The following CDH4 variants were observed in gnomAD, a reference collection of about 807,000 sequenced individuals.
The protein encoded by CDH4 is cadherin 4, also known as cadherin-4.
CDH4 carries 33 observed loss-of-function variants against 86.0 expected under a neutral mutation model. The observed-to-expected ratio is 0.38, with a 90% CI of 0.29 to 0.51. The LOEUF (loss-of-function observed/expected upper bound fraction) is 0.51, where lower values mean the gene tolerates loss of function less well. Among genes scored for constraint, CDH4 ranks in the 20% least tolerant of loss-of-function variants. CDH4 has a pLI of 0.86. For synonymous variants in CDH4, 555 were observed against 549.4 expected (o/e 1.01, Z -0.14); for missense variants, 1,114 against 1,307.4 (o/e 0.85, Z 2.28).
At chr20:61,300,084 A>G (rs573078894) in intron 2 of CDH4, among the ~76,000 whole-genome samples, 2 of 152,240 alleles carry the variant, frequency 1.3e-5, no homozygotes, top group South Asian at 4.1e-4. Context: ...CTGACTGGCC[A>G]TGCACTGGTG....
intron 2 of CDH4, among the ~76,000 whole-genome samples, chr20:61,686,275 G>A (rs575806104): frequency 2.6e-5 from 4 of 152,354 alleles, no homozygotes; most frequent in Admixed American, 1.3e-4. Flanking sequence ...CCACATCTGC[G>A]TGGCTGGGAG....
intron 2 of CDH4, chr20:61,740,650 G>A (rs16985539): frequency 0.22 from 33,141 of 152,162 alleles, 4,176 homozygotes; most frequent in East Asian, 0.48. Context: ...CACCATTTGC[G>A]TAACCGTATC....
At chr20:61,346,466 G>A (rs930913867) in intron 2 of CDH4, among the ~76,000 whole-genome samples, 13 of 151,986 alleles carry the variant, frequency 8.6e-5, no homozygotes, top group Admixed American at 2.0e-4. Flanking sequence ...TCTGCTGACC[G>A]GGCATGGTGG....
intron 2 of CDH4, among the ~76,000 whole-genome samples, chr20:61,549,323 C>T (rs1401217228): frequency 6.6e-6 from 1 of 152,166 alleles, no homozygotes; most frequent in African/African-American, 2.4e-5. Flanking sequence ...CCTCCCATGT[C>T]ACCCCTCTCA....
chr20:61,615,974 G>A (rs1475914531), intron 2 of CDH4, among the ~76,000 whole-genome samples: 5 of 152,326 alleles, frequency 3.3e-5, no homozygotes, highest in East Asian at 1.9e-4. Flanking sequence ...GCGGGCCCCC[G>A]TGAAGGCCAC....
chr20:61,273,194 G>C (rs1423930021), intron 2 of CDH4, among the ~76,000 whole-genome samples: 1 of 112,490 alleles, frequency 8.9e-6, no homozygotes, highest in African/African-American at 3.5e-5. Context: ...GTTTGGGGGA[G>C]CACCATGCGC....
At chr20:61,651,921 C>T (rs763978485) in intron 2 of CDH4, among the ~76,000 whole-genome samples, 2 of 152,154 alleles carry the variant, frequency 1.3e-5, no homozygotes, top group Non-Finnish European at 2.9e-5. Context: ...GAAGGGAGGC[C>T]CTGCAATGGT....
chr20:61,765,058 G>A (rs891226534), intron 3 of CDH4, among the ~76,000 whole-genome samples: 7 of 152,184 alleles, frequency 4.6e-5, no homozygotes, highest in African/African-American at 1.4e-4. Flanking sequence ...AGAGTCACCT[G>A]CACCTTGTAG....
At chr20:61,530,494 G>T (rs767512439) in intron 2 of CDH4, among the ~76,000 whole-genome samples, 1 of 152,048 alleles carries the variant, frequency 6.6e-6, no homozygotes, top group Non-Finnish European at 1.5e-5. Flanking sequence ...GGGATGCCGT[G>T]GCAAGGGGAC....
At chr20:61,484,479 T>C (rs900790738) in intron 2 of CDH4, among the ~76,000 whole-genome samples, 4 of 152,198 alleles carry the variant, frequency 2.6e-5, no homozygotes, top group Non-Finnish European at 5.9e-5. Flanking sequence ...ATCAGGCCCG[T>C]TTATCTTCTG....
intron 2 of CDH4, among the ~76,000 whole-genome samples, chr20:61,634,782 A>G (rs937670944): frequency 6.6e-6 from 1 of 152,196 alleles, no homozygotes; most frequent in Non-Finnish European, 1.5e-5. Flanking sequence ...CTAAAATAAA[A>G]TTCTGTCCCC....
chr20:61,358,800 T>C (rs1297297430), intron 2 of CDH4, among the ~76,000 whole-genome samples: 3 of 152,088 alleles, frequency 2.0e-5, no homozygotes, highest in African/African-American at 7.2e-5. Context: ...GTCGCTTTAA[T>C]GCGGGGGGGA....
rs548601004 is a variant in CDH4, at chr20:61,269,050, G to T, written c.169+14113G>T. 1.5e-3 allele frequency among the ~76,000 whole-genome samples: 232 copies of T among 152,308 alleles called. 2 individuals carry two copies. The highest frequency in any genetic ancestry group is 3.4e-3 in the Middle Eastern group (1 of 294). ...GCATCAGAACCCCATGGAAAGCCCT[G>T]TGGTGGTCCTGGGGCTCGGCCCCAC... is the stretch of plus-strand genomic sequence containing the variant. On this transcript the variant is annotated intron_variant, in intron 2 of 15. Coordinates refer to ENST00000614565, the MANE Select transcript of CDH4 (RefSeq NM_001794.5). This position sits in a 1 kb window ranked among gnomAD's most constrained non-coding sequence, Gnocchi z 5.3.
At position 61,383,107 on chromosome 20, in the gene CDH4, TA is replaced by T. The variant is rs537784508; in HGVS notation, c.169+128171del. Among the ~76,000 whole-genome samples, 134 of 80,560 alleles carry T rather than the reference TA, an allele frequency of 1.7e-3. 10 individuals are homozygous for T. In the East Asian group the frequency reaches 0.036, roughly 22 times the overall value. The allele number at this position is 80,560 out of a possible 152,430, so 52.9% of individuals were successfully genotyped here. A position where few individuals can be genotyped will look rare whatever the true frequency, so the allele number is the denominator to read the frequency against. Reference sequence around the variant, plus strand: ...TATATGAATATATATATGAATATATTATATATAGAATATATATGAATATATT... The same window carrying T: ...TATATGAATATATATATGAATATATTTATATAGAATATATATGAATATATT... On this transcript the variant is annotated intron_variant, in intron 2 of 15. Transcript: ENST00000614565.
In CDH4 at chr20:61,928,352, G is replaced by T. The variant is rs762450447; in HGVS notation, c.1934G>T (p.Gly645Val). ...AADADVDPNI[G>V]PYVFELPFVP... ...GACGCTGACGTCGACCCCAACATCG[G>T]CCCCTACGTCTTCGAGCTGCCCTTT... The change falls in exon 12 of 16, where the codon GGC becomes GTC. Residue 645 changes from glycine (G) to valine (V), a missense_variant. This residue lies in a region of CDH4 where 705 missense variants were observed against 914.1 expected (regional missense o/e 0.77). Transcript: ENST00000614565. 1.2e-6 allele frequency: 2 copies of T among 1,611,552 alleles called. No individual in the cohort carries two copies. Among genetic ancestry groups the T allele is most frequent in the Non-Finnish European group, 8.5e-7 (1 of 1,179,994 alleles).
intron 2 of CDH4, among the ~76,000 whole-genome samples, chr20:61,488,634 CAAAAG>C (rs2085609241): frequency 6.6e-6 from 1 of 151,810 alleles, no homozygotes; most frequent in Non-Finnish European, 1.5e-5. Flanking sequence ...CATGGAGAGA[CAAAAG>C]AGAGAGAGAG....
intron 2 of CDH4, among the ~76,000 whole-genome samples, chr20:61,413,976 C>T (rs900595251): frequency 2.6e-5 from 4 of 152,174 alleles, no homozygotes; most frequent in African/African-American, 9.7e-5. Context: ...TGAGGCTTCT[C>T]TCCTTGGCTT....
intron 6 of CDH4, among the ~76,000 whole-genome samples, chr20:61,866,872 C>T (rs1260175386): frequency 6.6e-6 from 1 of 152,226 alleles, no homozygotes; most frequent in African/African-American, 2.4e-5. Flanking sequence ...AGCATGTTTT[C>T]GCAGTTGGCC....
chr20:61,578,879 C>T (rs1222610700), intron 2 of CDH4, among the ~76,000 whole-genome samples: 3 of 152,172 alleles, frequency 2.0e-5, no homozygotes. Context: ...AGCAATAAGA[C>T]AACAGACACC....
Sources: allele counts gnomAD v4.1 joint callset (sites outside exome capture counted in the v4.1 genomes callset), GRCh38; gene constraint gnomAD v4.1.1; regional missense constraint gnomAD v4.1.1; non-coding constraint Gnocchi (gnomAD v3.1); transcripts MANE v1.5; gene names NCBI Gene and HGNC (gene_info 2026-07-23, HGNC 2026-07-21).